The following CC2D1A variants were observed in gnomAD, a reference collection of about 807,000 sequenced individuals.
CC2D1A encodes the protein coiled-coil and C2 domain containing 1A.
A neutral mutation model predicts 123.8 loss-of-function variants in CC2D1A; 68 were observed. That is an observed-to-expected ratio of 0.55 (90% CI 0.45 to 0.67). The LOEUF (loss-of-function observed/expected upper bound fraction) is 0.67. Ranked by LOEUF, CC2D1A falls within the 30% of genes least tolerant of loss-of-function variation. The pLI is 0.00. For missense variants in CC2D1A, 1,185 were observed against 1,290.3 expected (o/e 0.92, Z 1.25); for synonymous variants, 477 against 528.0 (o/e 0.90, Z 1.32).
rs1012971248 is a variant in CC2D1A at position 13,906,721 on chromosome 19, G to T, written c.60+220G>T. 2.0e-5 allele frequency among the ~76,000 whole-genome samples: 3 copies of T among 152,214 alleles called. No homozygotes were observed. The highest frequency in any genetic ancestry group is 4.4e-5 in the Non-Finnish European group (3 of 68,046). ...TGCCCCGGGTTCGGGGCCACCTGTT[G>T]CCACAGCTGCTCCAGTCGAGGAGGG... On this transcript the variant is annotated intron_variant, in intron 1 of 28. Coordinates refer to ENST00000318003, the MANE Select transcript of CC2D1A (RefSeq NM_017721.5). The surrounding 1 kb of genome is among the most constrained non-coding windows in gnomAD (Gnocchi z 4.1).
At chr19:13,909,751 C>T (rs1469195262) in intron 1 of CC2D1A, 72 bp from the exon 2 acceptor site, 8 of 1,598,240 alleles carry the variant, frequency 5.0e-6, no homozygotes, top group Non-Finnish European at 6.9e-6. Flanking sequence ...CAAGGGGACT[C>T]TCTGGCCATC....
In CC2D1A at chr19:13,927,168, C is replaced by CA. The variant is rs1234676776; in HGVS notation, c.2226-6dup. On this transcript the variant is annotated splice_region_variant and splice_polypyrimidine_tract_variant and intron_variant, in intron 21 of 28. Coordinates refer to ENST00000318003, the MANE Select transcript of CC2D1A (RefSeq NM_017721.5). The stretch of plus-strand genomic sequence containing the variant: ...ATCCTGTCCCCACTATACACACATG[C>CA]ACACAGGGGGCTGTTCAAGACTGAC... 1.2e-6 allele frequency: 2 copies of CA among 1,613,586 alleles called. No individual in the cohort carries two copies. The highest frequency in any genetic ancestry group is 3.3e-5 in the Admixed American group (2 of 60,022).
intron 1 of CC2D1A, among the ~76,000 whole-genome samples, chr19:13,909,379 A>AAAAAAC (rs1166571041): frequency 2.6e-5 from 4 of 151,982 alleles, no homozygotes; most frequent in African/African-American, 9.7e-5. Flanking sequence ...CTGTGTCAAA[A>AAAAAAC]AAAAACAAAA....
In CC2D1A at chr19:13,928,186, C is replaced by T. The variant is rs556318916; in HGVS notation, c.2517C>T (p.Asn839=). The change falls in exon 24 of 29, where the codon AAC becomes AAT. Residue 839 remains asparagine (N), a splice_region_variant and synonymous_variant. Coordinates refer to ENST00000318003, the MANE Select transcript of CC2D1A (RefSeq NM_017721.5). ...CTGCCCCTGCAAGGGAGTCAGGGAA[C>T]AGGTAGGTATCTGGGCCAGGGCATG... ...PVPAPARESG[N]RSARPLHSLS... The T allele has an allele frequency of 6.2e-7, 1 of 1,613,208 alleles. No individual in the cohort carries two copies. The highest frequency in any genetic ancestry group is 8.5e-7 in the Non-Finnish European group (1 of 1,179,740).
At chr19:13,915,559 A>G (rs1971176996) in intron 6 of CC2D1A, among the ~76,000 whole-genome samples, 3 of 152,170 alleles carry the variant, frequency 2.0e-5, no homozygotes, top group South Asian at 2.1e-4. Context: ...CAACACTTTA[A>G]AAAAGAAAAA....
intron 2 of CC2D1A, 123 bp from the exon 3 acceptor site, chr19:13,912,200 G>A: frequency 8.7e-7 from 1 of 1,147,086 alleles, no homozygotes; most frequent in Non-Finnish European, 1.2e-6. Context: ...ACCTGAGGCT[G>A]AATAAGGAAG....
intron 22 of CC2D1A, 175 bp from the exon 23 acceptor site, chr19:13,927,718 C>G: frequency 1.5e-6 from 1 of 685,074 alleles, no homozygotes. Context: ...GGAGGCGGAG[C>G]TTGCAGTGAG....
At chr19:13,917,306 C>CA (rs60630779) in intron 6 of CC2D1A, among the ~76,000 whole-genome samples, 1,683 of 150,168 alleles carry the variant, frequency 0.011, 60 homozygotes, top group East Asian at 0.068. Context: ...CCCATCTCTA[C>CA]AAAAAAAAAT....
chr19:13,917,881 G>A (rs1315135063), intron 6 of CC2D1A, among the ~76,000 whole-genome samples, 189 bp from the exon 7 acceptor site: 2 of 151,992 alleles, frequency 1.3e-5, no homozygotes, highest in Non-Finnish European at 2.9e-5. Context: ...TGAGGCAGGA[G>A]AATCACTTGA....
chr19:13,916,040 G>C (rs1351938143), intron 6 of CC2D1A, among the ~76,000 whole-genome samples: 1 of 152,120 alleles, frequency 6.6e-6, no homozygotes, highest in Non-Finnish European at 1.5e-5. Context: ...CGGATCACTT[G>C]AGGCCAGGAG....
At chr19:13,913,356 C>A in intron 5 of CC2D1A, 48 bp from the exon 6 acceptor site, 1 of 1,607,986 alleles carries the variant, frequency 6.2e-7, no homozygotes, top group South Asian at 1.1e-5. Context: ...CGATGCCCTG[C>A]ACCAAGCTCT....
intron 1 of CC2D1A, chr19:13,909,574 C>A: frequency 1.8e-6 from 1 of 554,810 alleles, no homozygotes; most frequent in South Asian, 1.6e-5. Flanking sequence ...AGCAGCACAT[C>A]ATAAGTGTGG....
chr19:13,916,656 AT>A (rs1343067587), intron 6 of CC2D1A, among the ~76,000 whole-genome samples: 1 of 152,204 alleles, frequency 6.6e-6, no homozygotes, highest in Admixed American at 6.6e-5. Context: ...CCGGAAAAAC[AT>A]TGTTTTTAAC....
chr19:13,917,572 C>A, intron 6 of CC2D1A, among the ~76,000 whole-genome samples: 1 of 150,848 alleles, frequency 6.6e-6, no homozygotes, highest in East Asian at 1.9e-4. Flanking sequence ...GGTGAAACCC[C>A]GTCTCTACTA....
At position 13,909,898 on chromosome 19, in the gene CC2D1A, G is replaced by A; in HGVS notation, c.136G>A (p.Ala46Thr). The part of the protein sequence containing the change: ...EDGANDEELE[A>T]EFLALVGGQP... Reference sequence around the variant, plus strand: ...CGGGGCTAACGATGAAGAACTGGAGGCTGAGTTCTTGGCTTTGGTCGGGGG... The same window carrying A: ...CGGGGCTAACGATGAAGAACTGGAGACTGAGTTCTTGGCTTTGGTCGGGGG... The change falls in exon 2 of 29, where the codon GCT becomes ACT. Residue 46 changes from alanine to threonine, a missense_variant. By Grantham distance (58) the Ala-to-Thr change is moderately conservative (BLOSUM62 0). Coordinates refer to ENST00000318003, the MANE Select transcript of CC2D1A (RefSeq NM_017721.5). 1.9e-6 allele frequency: 3 copies of A among 1,559,692 alleles called. No individual in the cohort carries two copies. The highest frequency in any genetic ancestry group is 2.6e-6 in the Non-Finnish European group (3 of 1,151,438).
chr19:13,913,693 G>A (rs777699933), intron 6 of CC2D1A, 55 bp downstream of exon 6: 3 of 1,366,558 alleles, frequency 2.2e-6, no homozygotes, highest in Non-Finnish European at 3.0e-6. Flanking sequence ...CATCTGGCAG[G>A]ATGCTGCTCT....
chr19:13,919,800 C>A lies in CC2D1A; in HGVS notation c.1223-18C>A. The A allele has an allele frequency of 6.3e-7, 1 of 1,586,516 alleles. No individual in the cohort carries two copies. Among genetic ancestry groups the A allele is most frequent in the Non-Finnish European group, 8.6e-7 (1 of 1,162,746 alleles). On this transcript the variant is annotated intron_variant, in intron 11 of 28. Transcript: ENST00000318003. ...TCCATCCTGACACACAATAACCAGG[C>A]CTCGACTGGCCACCCAGGCTTCCCC...
chr19:13,913,378 A>T (rs376965749), intron 5 of CC2D1A, 26 bp from the exon 6 acceptor site: 449 of 1,610,926 alleles, frequency 2.8e-4, no homozygotes, highest in Non-Finnish European at 3.4e-4. Flanking sequence ...GGCTTCTCCC[A>T]AACCAATACT....
rs1327510727 is a variant in CC2D1A, at chr19:13,930,639, GC to G, written c.*247del. ...GGCCCTGGAGAGTCCTGTTTGCACAGCCCAGGGGTGTCCGGCCTCTGGCCCG... is the reference window on the plus strand; with the variant it reads ...GGCCCTGGAGAGTCCTGTTTGCACAGCCAGGGGTGTCCGGCCTCTGGCCCG... On this transcript the variant is annotated 3_prime_UTR_variant, in exon 29 of 29. Coordinates refer to ENST00000318003, the MANE Select transcript of CC2D1A (RefSeq NM_017721.5). This position sits in a 1 kb window ranked among gnomAD's most constrained non-coding sequence, Gnocchi z 6.8. 2 of 547,498 alleles carry G rather than the reference GC, an allele frequency of 3.7e-6. No homozygotes were observed. The allele number at this position is 547,498 out of a possible 1,614,324, so 33.9% of individuals were successfully genotyped here.
Sources: gnomAD v4.1 joint callset for allele counts (sites outside exome capture counted in the v4.1 genomes callset) on GRCh38, gnomAD v4.1.1 for gene constraint, Gnocchi (gnomAD v3.1) non-coding constraint, MANE v1.5 for transcripts, NCBI Gene and HGNC (gene_info 2026-07-23, HGNC 2026-07-21) for gene names.